The following FBF1 variants were observed in gnomAD, a reference collection of about 807,000 sequenced individuals.
The protein encoded by FBF1 is fas-binding factor 1.
Under a neutral mutation model 147.2 loss-of-function variants are expected in FBF1, and 119 were observed. That is an observed-to-expected ratio of 0.81 (90% CI 0.70 to 0.94). The LOEUF (loss-of-function observed/expected upper bound fraction) is 0.94, where lower values mean the gene tolerates loss of function less well. Among genes scored for constraint, FBF1 ranks in the 40% least tolerant of loss-of-function variants. The probability of loss-of-function intolerance (pLI) is 0.00; values close to 1 mark genes in which losing one functional copy is unlikely to be tolerated. For synonymous variants in FBF1, 601 were observed against 609.0 expected, an observed-to-expected ratio of 0.99 and a Z score of 0.19; for missense variants, 1,449 against 1,500.8, an observed-to-expected ratio of 0.97 and a Z score of 0.57.
chr17:75,933,129 G>A (rs1425719621), intron 4 of FBF1, 41 bp from the exon 5 acceptor site: 2 of 1,481,722 alleles, frequency 1.3e-6, no homozygotes, highest in South Asian at 1.2e-5. Flanking sequence ...TTTAACTAAA[G>A]GTACCTGGAG....
At position 75,927,451 on chromosome 17, in the gene FBF1, G is replaced by A. The variant is rs778064173; in HGVS notation, c.475+4C>T. 11 of 1,583,848 alleles carry A rather than the reference G, an allele frequency of 6.9e-6. No individual in the cohort carries two copies. In the South Asian group the frequency reaches 9.3e-5, roughly 13 times the overall value. On this transcript the variant is annotated splice_donor_region_variant and intron_variant, in intron 9 of 29. Coordinates refer to ENST00000636174, the MANE Select transcript of FBF1 (RefSeq NM_001319193.2). The stretch of plus-strand genomic sequence containing the variant: ...CCCAGAGGCATGACAGGAGCCTATG[G>A]TACCTTCAGAGGAAAACCTCCTGTT...
intron 17 of FBF1, 57 bp downstream of exon 17, chr17:75,921,187 G>A: frequency 1.3e-6 from 2 of 1,519,566 alleles, no homozygotes; most frequent in Non-Finnish European, 1.8e-6. Context: ...TATTGCCCCT[G>A]GGCATGGAGA....
intron 2 of FBF1, 143 bp from the exon 3 acceptor site, chr17:75,937,736 A>G: frequency 1.2e-6 from 1 of 843,462 alleles, no homozygotes; most frequent in East Asian, 2.6e-5. Flanking sequence ...TAAGTCCTTT[A>G]TGTGTTCCTA....
Position 75,909,662 on chromosome 17 carries a change from G to A in FBF1, c.*1061C>T, listed in dbSNP as rs1318611739. The A allele has an allele frequency of 8.8e-6, 5 of 570,108 alleles. No homozygotes were observed. In the South Asian group the frequency reaches 1.2e-4, roughly 13 times the overall value. 35.3% of individuals were successfully genotyped at this position (570,108 alleles called of 1,614,324 possible). On this transcript the variant is annotated 3_prime_UTR_variant, in exon 30 of 30. Coordinates refer to ENST00000636174, the MANE Select transcript of FBF1 (RefSeq NM_001319193.2). ...TAATAGTACCCTTCTCCTGGCTGTG[G>A]TCCAGCTGCCAGGTGCCACCGCAGA...
At chr17:75,938,277 T>C in intron 1 of FBF1, 45 bp from the exon 2 acceptor site, 1 of 1,416,714 alleles carries the variant, frequency 7.1e-7, no homozygotes, top group Non-Finnish European at 9.8e-7. Context: ...GATGTAGCTT[T>C]GGCTGGGCGC....
Position 75,910,203 on chromosome 17 carries a change from A to T in FBF1, c.*520T>A, listed in dbSNP as rs898965967. On this transcript the variant is annotated 3_prime_UTR_variant, in exon 30 of 30. Transcript: ENST00000636174. This position sits in a 1 kb window ranked among gnomAD's most constrained non-coding sequence, Gnocchi z 4.1. The stretch of plus-strand genomic sequence containing the variant: ...AGTTCCAGGAACATCTCACACCACA[A>T]GGGAGGATCTAGCTGGTGCCCTCCC... The T allele has an allele frequency of 7.9e-6, 3 of 379,330 alleles. No homozygotes were observed. Among genetic ancestry groups the T allele is most frequent in the African/African-American group, 4.2e-5 (2 of 47,810 alleles). The allele number at this position is 379,330 out of a possible 1,614,324, so 23.5% of individuals were successfully genotyped here.
intron 3 of FBF1, 51 bp downstream of exon 3, chr17:75,937,515 G>A (rs1184885100): frequency 6.2e-7 from 1 of 1,602,866 alleles, no homozygotes; most frequent in Non-Finnish European, 8.5e-7. Context: ...GGACCAAAGG[G>A]GAAAAAGATA....
Position 75,923,363 on chromosome 17 carries a change from C to T in FBF1, c.1247G>A (p.Gly416Glu), listed in dbSNP as rs777059139. 3.7e-6 allele frequency: 6 copies of T among 1,605,460 alleles called. No homozygotes were observed. Reference sequence around the variant, plus strand: ...AGCCTGGCTGGCTTTGGCAGGGGACCCTGCACCTTCAGTTGGTGGCTTTGC... The same window carrying T: ...AGCCTGGCTGGCTTTGGCAGGGGACTCTGCACCTTCAGTTGGTGGCTTTGC... Reference protein sequence around the residue: ...SRAKPPTEGAGSPAKASQASK... With the variant: ...SRAKPPTEGAESPAKASQASK... The change falls in exon 14 of 30, where the codon GGG (glycine) becomes GAG (glutamate). Residue 416 changes from glycine (G) to glutamate (E), a missense_variant. Transcript: ENST00000636174. This position sits in a 1 kb window ranked among gnomAD's most constrained non-coding sequence, Gnocchi z 4.1.
In FBF1 at chr17:75,909,692, A is replaced by T; in HGVS notation, c.*1031T>A. On this transcript the variant is annotated 3_prime_UTR_variant, in exon 30 of 30. Transcript: ENST00000636174. ...GCTGCCAGGTGCCACCGCAGACCGC[A>T]GGTGCTGGAGGGGAGAGGCACGTGG... The T allele has an allele frequency of 1.7e-6, 1 of 573,468 alleles. No individual in the cohort carries two copies. Among genetic ancestry groups the T allele is most frequent in the South Asian group, 2.3e-5 (1 of 43,836 alleles). 35.5% of individuals were successfully genotyped at this position (573,468 alleles called of 1,614,324 possible).
chr17:75,926,058 C>T lies in FBF1; in HGVS notation c.840G>A (p.Lys280=). Residue 280 remains lysine (K), a synonymous_variant, in exon 12 of 30, where the codon AAG becomes AAA. Coordinates refer to ENST00000636174, the MANE Select transcript of FBF1 (RefSeq NM_001319193.2). ...RPGTGEHREF[K]LDKKYQRPQD... ...GTGGCCTCTGGTACTTCTTGTCTAGCTTGAACTCCCTGTGCTCCCCGGTGC... is the reference window on the plus strand; with the variant it reads ...GTGGCCTCTGGTACTTCTTGTCTAGTTTGAACTCCCTGTGCTCCCCGGTGC... The T allele has an allele frequency of 6.2e-7, 1 of 1,612,248 alleles. No individual in the cohort carries two copies. Among genetic ancestry groups the T allele is most frequent in the Non-Finnish European group, 8.5e-7 (1 of 1,179,782 alleles).
chr17:75,939,295 CAAAAAAA>C (rs56272719), intron 1 of FBF1, among the ~76,000 whole-genome samples: 7 of 82,976 alleles, frequency 8.4e-5, no homozygotes, highest in African/African-American at 2.5e-4. Flanking sequence ...ACTCTGTCTC[CAAAAAAA>C]AAAAAAAAAA....
intron 7 of FBF1, 52 bp downstream of exon 7, chr17:75,929,945 A>AGGGCGCCCCCCCCCCC: frequency 1.5e-6 from 1 of 650,912 alleles, no homozygotes; most frequent in Non-Finnish European, 2.8e-6. Context: ...AAATATCATG[A>AGGGCGCCCCCCCCCCC]CCCCACCCCA....
chr17:75,912,367 C>A, intron 28 of FBF1, 60 bp from the exon 29 acceptor site: 1 of 1,315,594 alleles, frequency 7.6e-7, no homozygotes, highest in Non-Finnish European at 1.0e-6. Flanking sequence ...CGGGCGGTCA[C>A]AGCTTGTTCC....
At chr17:75,934,879 CAAA>C (rs1028679601) in intron 4 of FBF1, among the ~76,000 whole-genome samples, 2 of 55,600 alleles carry the variant, frequency 3.6e-5, no homozygotes, top group African/African-American at 5.9e-5. Flanking sequence ...AACTCTGTCT[CAAA>C]AAAAAAAAAA....
intron 23 of FBF1, among the ~76,000 whole-genome samples, chr17:75,916,005 C>T (rs866817805): frequency 2.4e-5 from 2 of 84,374 alleles, no homozygotes; most frequent in Non-Finnish European, 4.2e-5. Flanking sequence ...GAGACTCTGA[C>T]TCAAAAAAAA....
In FBF1 at chr17:75,926,369, A is replaced by G. The variant is rs376679784; in HGVS notation, c.653T>C (p.Leu218Ser). Reference protein sequence around the residue: ...DTPIRKKEELLFDDGDDIMAT... With the variant: ...DTPIRKKEELSFDDGDDIMAT... ...CATGATGTCATCCCCATCATCAAAC[A>G]ACAATTCTTCTTTTTTTCGGATGGG... Residue 218 changes from leucine (L) to serine (S), a missense_variant, in exon 11 of 30, where the codon TTG becomes TCG. Coordinates refer to ENST00000636174, the MANE Select transcript of FBF1 (RefSeq NM_001319193.2). 8.1e-6 allele frequency: 13 copies of G among 1,610,098 alleles called. No individual in the cohort carries two copies. The African/African-American group carries it at 1.7e-4, about 22-fold the overall frequency.
Position 75,913,923 on chromosome 17 carries a change from TGCTGCTCCTGCTTCC to T in FBF1, c.3104_3118del (p.Arg1035_Gln1039del). ...CTCAGGGAGCCTTGCCTGGTGCATG[TGCTGCTCCTGCTTCC>T]GCAGCCGCTCCTGCTGTTGCTGCAC... On this transcript the variant is annotated inframe_deletion, in exon 27 of 30. Transcript: ENST00000636174. The T allele has an allele frequency of 6.5e-7, 1 of 1,545,796 alleles. No homozygotes were observed. Among genetic ancestry groups the T allele is most frequent in the Non-Finnish European group, 8.7e-7 (1 of 1,150,660 alleles).
Position 75,913,975 on chromosome 17 carries a change from G to T in FBF1, c.3067C>A (p.Arg1023=). 2 of 1,561,894 alleles carry T rather than the reference G, an allele frequency of 1.3e-6. No individual in the cohort carries two copies. The change falls in exon 27 of 30, where the codon CGG becomes AGG. Residue 1023 remains arginine (R), a synonymous_variant. Coordinates refer to ENST00000636174, the MANE Select transcript of FBF1 (RefSeq NM_001319193.2). ...AQQVQAEQQA[R]LQAVQQQQER... The stretch of plus-strand genomic sequence containing the variant: ...TGCTGTTGCTGCACCGCCTGCAACC[G>T]GGCCTGCTGCTCTGCCTGCACCTGC...
Position 75,914,257 on chromosome 17 carries a change from G to T in FBF1, c.2856C>A (p.Ala952=). The change falls in exon 26 of 30, where the codon GCC becomes GCA. Residue 952 remains alanine (A), a synonymous_variant. Coordinates refer to ENST00000636174, the MANE Select transcript of FBF1 (RefSeq NM_001319193.2). ...ELKIRASELR[A]EEKQLAAERA... is the part of the protein sequence containing the mutation. The stretch of plus-strand genomic sequence containing the variant: ...TCTCCGCTGCCAGCTGCTTCTCCTC[G>T]GCCCGGAGCTCGCTGGCCCTGATCT... 1 of 1,593,740 alleles carries T rather than the reference G, an allele frequency of 6.3e-7. No individual in the cohort carries two copies. Among genetic ancestry groups the T allele is most frequent in the South Asian group, 1.1e-5 (1 of 87,964 alleles).
Sources: allele counts gnomAD v4.1 joint callset (sites outside exome capture counted in the v4.1 genomes callset), GRCh38; gene constraint gnomAD v4.1.1; non-coding constraint Gnocchi (gnomAD v3.1); transcripts MANE v1.5; gene names NCBI Gene and HGNC (gene_info 2026-07-23, HGNC 2026-07-21).